The following CNTNAP2 variants were observed in gnomAD, a reference collection of about 807,000 sequenced individuals.
CNTNAP2 encodes the protein contactin associated protein 2, also known as contactin-associated protein-like 2.
CNTNAP2 carries 98 observed loss-of-function variants against 155.2 expected under a neutral mutation model. The observed-to-expected ratio is 0.63, with a 90% CI of 0.54 to 0.75. The LOEUF (loss-of-function observed/expected upper bound fraction) is 0.75. Among genes scored for constraint, CNTNAP2 ranks in the 30% least tolerant of loss-of-function variants. CNTNAP2 has a pLI of 0.00. For missense variants in CNTNAP2, 1,727 were observed against 1,688.1 expected, an observed-to-expected ratio of 1.02 and a Z score of -0.40; for synonymous variants, 651 against 631.2, an observed-to-expected ratio of 1.03 and a Z score of -0.47.
chr7:148,059,319 G>T (rs56409871), intron 15 of CNTNAP2, among the ~76,000 whole-genome samples: 1 of 151,676 alleles, frequency 6.6e-6, no homozygotes, highest in Admixed American at 6.6e-5. Flanking sequence ...GGTCTGGCAC[G>T]GTGGCTCACA....
intron 4 of CNTNAP2, among the ~76,000 whole-genome samples, chr7:147,083,587 T>TATAC (rs1554435245): frequency 1.6e-4 from 23 of 144,434 alleles, no homozygotes; most frequent in African/African-American, 5.9e-4. Context: ...TATATATATA[T>TATAC]ACACACACAC....
chr7:148,097,441 T>C (rs975119314), intron 15 of CNTNAP2, among the ~76,000 whole-genome samples: 1 of 151,444 alleles, frequency 6.6e-6, no homozygotes, highest in Non-Finnish European at 1.5e-5. Flanking sequence ...AAAGAGTTAG[T>C]AATATGTTGA....
At chr7:147,507,787 G>A (rs563748594) in intron 11 of CNTNAP2, among the ~76,000 whole-genome samples, 89 of 151,998 alleles carry the variant, frequency 5.9e-4, no homozygotes, top group Admixed American at 1.8e-3. Flanking sequence ...TCCTGACCTC[G>A]TGATCGGCCT....
intron 6 of CNTNAP2, among the ~76,000 whole-genome samples, chr7:147,123,596 T>A (rs1244067571): frequency 6.6e-6 from 1 of 152,268 alleles, no homozygotes; most frequent in Admixed American, 6.5e-5. Flanking sequence ...CAGGGTAGAC[T>A]TACCATTTCT....
chr7:146,259,234 T>C (rs1276101954), intron 1 of CNTNAP2, among the ~76,000 whole-genome samples: 2 of 152,212 alleles, frequency 1.3e-5, no homozygotes, highest in African/African-American at 4.8e-5. Context: ...CACTCTCAGG[T>C]AGTATCTTTA....
intron 1 of CNTNAP2, among the ~76,000 whole-genome samples, chr7:146,298,158 C>T (rs919005810): frequency 6.6e-6 from 1 of 152,158 alleles, no homozygotes; most frequent in African/African-American, 2.4e-5. Context: ...GAGAAAAAGA[C>T]AGTCTGGGAC....
intron 9 of CNTNAP2, among the ~76,000 whole-genome samples, chr7:147,361,692 G>A (rs549906195): frequency 6.6e-6 from 1 of 152,050 alleles, no homozygotes; most frequent in African/African-American, 2.4e-5. Context: ...TTATAAATTT[G>A]AAAGTTCAAA....
rs189055511 is a variant in CNTNAP2, at chr7:146,800,774, G to A, written c.208+26393G>A. ...TTCAATTATTTCAAAAACATGAAACGAATTATACTAGATATAATCTCCCAT... is the reference window on the plus strand; with the variant it reads ...TTCAATTATTTCAAAAACATGAAACAAATTATACTAGATATAATCTCCCAT... On this transcript the variant is annotated intron_variant, in intron 2 of 23. Transcript: ENST00000361727. 1.7e-3 allele frequency among the ~76,000 whole-genome samples: 255 copies of A among 152,034 alleles called. 1 individual carries two copies. Among genetic ancestry groups the A allele is most frequent in the African/African-American group, 5.9e-3 (243 of 41,456 alleles).
chr7:148,204,389 C>G (rs1261900132), intron 18 of CNTNAP2, among the ~76,000 whole-genome samples: 1 of 152,160 alleles, frequency 6.6e-6, no homozygotes, highest in African/African-American at 2.4e-5. Flanking sequence ...CTTCCTTGGT[C>G]AGGGCAAATA....
chr7:146,620,898 G>A (rs1284259937), intron 1 of CNTNAP2, among the ~76,000 whole-genome samples: 1 of 152,126 alleles, frequency 6.6e-6, no homozygotes, highest in Non-Finnish European at 1.5e-5. Flanking sequence ...TAAATATCAT[G>A]TGGCAAGAGA....
intron 1 of CNTNAP2, among the ~76,000 whole-genome samples, chr7:146,457,435 TAAATG>T (rs1452079509): frequency 2.4e-5 from 3 of 126,576 alleles, no homozygotes; most frequent in Non-Finnish European, 3.4e-5. Flanking sequence ...TTTGAAGCTA[TAAATG>T]AATCAAATTA....
intron 3 of CNTNAP2, among the ~76,000 whole-genome samples, chr7:146,972,437 C>G (rs1345977739): frequency 1.3e-5 from 2 of 151,972 alleles, no homozygotes; most frequent in Non-Finnish European, 2.9e-5. Flanking sequence ...TTAATGAATA[C>G]AATTTTCAAG....
At chr7:147,869,633 A>C (rs1799294498) in intron 13 of CNTNAP2, among the ~76,000 whole-genome samples, 1 of 152,222 alleles carries the variant, frequency 6.6e-6, no homozygotes, top group African/African-American at 2.4e-5. Flanking sequence ...GGGAAGTGAA[A>C]AAATAAACTG....
intron 3 of CNTNAP2, among the ~76,000 whole-genome samples, chr7:146,920,199 A>G (rs901710693): frequency 6.6e-6 from 1 of 152,104 alleles, no homozygotes; most frequent in Non-Finnish European, 1.5e-5. Flanking sequence ...AGATCACCTG[A>G]GGTCAGGCGT....
chr7:146,388,369 A>C (rs1265582821), intron 1 of CNTNAP2, among the ~76,000 whole-genome samples: 1 of 152,082 alleles, frequency 6.6e-6, no homozygotes, highest in Non-Finnish European at 1.5e-5. Context: ...CGGGAGGTTG[A>C]GGCTGCAGCG....
chr7:148,042,267 CT>C (rs1421131291), intron 15 of CNTNAP2, among the ~76,000 whole-genome samples: 1 of 152,238 alleles, frequency 6.6e-6, no homozygotes, highest in Admixed American at 6.5e-5. Flanking sequence ...CTCCACAACT[CT>C]TTCATCTTGC....
At chr7:148,125,122 G>C (rs1446909824) in intron 16 of CNTNAP2, among the ~76,000 whole-genome samples, 1 of 151,996 alleles carries the variant, frequency 6.6e-6, no homozygotes, top group African/African-American at 2.4e-5. Flanking sequence ...TATTTATTGA[G>C]TACCTGCTAT....
At chr7:146,832,236 TA>T (rs1803527081) in intron 2 of CNTNAP2, among the ~76,000 whole-genome samples, 1 of 152,316 alleles carries the variant, frequency 6.6e-6, no homozygotes, top group African/African-American at 2.4e-5. Context: ...ATTATAGGCT[TA>T]AACTCATGTT....
chr7:146,170,526 G>T (rs1271828049), intron 1 of CNTNAP2, among the ~76,000 whole-genome samples: 1 of 151,504 alleles, frequency 6.6e-6, no homozygotes, highest in African/African-American at 2.4e-5. Context: ...TTTTTTACAG[G>T]TGCAAGCCAC....
Sources: allele counts gnomAD v4.1 joint callset (sites outside exome capture counted in the v4.1 genomes callset), GRCh38; gene constraint gnomAD v4.1.1; transcripts MANE v1.5; gene names NCBI Gene and HGNC (gene_info 2026-07-23, HGNC 2026-07-21).